Variants in GNAS observed in about 807,000 individuals in gnomAD.
The protein encoded by GNAS is protein ALEX.
GNAS carries 8 observed loss-of-function variants against 54.5 expected under a neutral mutation model. The ratio of observed to expected loss-of-function variants is 0.15; its 90% CI spans 0.09 to 0.26. GNAS has a LOEUF of 0.26. Ranked by LOEUF, GNAS falls within the 10% of genes least tolerant of loss-of-function variation. The probability of loss-of-function intolerance (pLI) is 1.00; values close to 1 mark genes in which losing one functional copy is unlikely to be tolerated. For synonymous variants in GNAS, 204 were observed against 191.4 expected (o/e 1.07, Z -0.54); for missense variants, 170 against 529.8 (o/e 0.32, Z 6.67).
chr20:58,889,324 G>A, upstream of GNAS: 1 of 989,804 alleles, frequency 1.0e-6, no homozygotes, highest in Non-Finnish European at 1.2e-6. Context: ...GGCAGGCGCT[G>A]CCTTGCGTGT....
chr20:58,879,685 A>T (rs6100261), intron 1 of GNAS, among the ~76,000 whole-genome samples: 18,599 of 152,218 alleles, frequency 0.12, 1,287 homozygotes, highest in African/African-American at 0.14. Context: ...TGCTGCAGCC[A>T]TCTGAAATCG....
In GNAS at chr20:58,910,127, T is replaced by C. The variant is rs2146296085; in HGVS notation, c.970+46T>C. The stretch of plus-strand genomic sequence containing the variant: ...TGCTGGCTGTTCATTGCGGTGGTTC[T>C]TTTTCAAACGGTCAGGCTGAAAACC... On this transcript the variant is annotated intron_variant, in intron 11 of 12. Transcript: ENST00000371085. The surrounding 1 kb of genome is among the most constrained non-coding windows in gnomAD (Gnocchi z 5.8). 1.3e-6 allele frequency: 2 copies of C among 1,597,200 alleles called. No homozygotes were observed. The highest frequency in any genetic ancestry group is 1.7e-6 in the Non-Finnish European group (2 of 1,164,918).
Position 58,910,347 on chromosome 20 carries a change from C to T in GNAS, c.984C>T (p.Pro328=), listed in dbSNP as rs369498955. The part of the protein sequence containing the change: ...YTTPEDATPE[P]GEDPRVTRAK... ...CTTTTTATATAGCTACTCCCGAGCC[C>T]GGAGAGGACCCACGCGTGACCCGGG... Residue 328 remains proline (P), a synonymous_variant, in exon 12 of 13, where the codon CCC becomes CCT. Transcript: ENST00000371085. The surrounding 1 kb of genome is among the most constrained non-coding windows in gnomAD (Gnocchi z 5.8). The T allele has an allele frequency of 5.6e-6, 9 of 1,610,804 alleles. No homozygotes were observed. The highest frequency in any genetic ancestry group is 3.3e-5 in the South Asian group (3 of 91,002).
At chr20:58,849,609 T>A (rs944502746) in intron 1 of GNAS, among the ~76,000 whole-genome samples, 2 of 152,208 alleles carry the variant, frequency 1.3e-5, no homozygotes, top group African/African-American at 4.8e-5. Context: ...CACTGCCACC[T>A]TGCCAGCCCC....
upstream of GNAS, chr20:58,840,395 C>T: frequency 6.2e-7 from 1 of 1,613,544 alleles, no homozygotes; most frequent in East Asian, 2.2e-5. The surrounding 1 kb of genome is among the most constrained non-coding windows in gnomAD (Gnocchi z 6.0). Context: ...TGAGCTGTCC[C>T]TCCCCGAGTG....
chr20:58,843,862 T>G (rs1285998659), intron 1 of GNAS, among the ~76,000 whole-genome samples: 1 of 152,208 alleles, frequency 6.6e-6, no homozygotes, highest in Admixed American at 6.5e-5. Flanking sequence ...GTCAACCTGA[T>G]GTAGGTTTAA....
At chr20:58,890,251 AGGCCGCCGCCGCCGC>A (rs1424984340), upstream of GNAS, among the ~76,000 whole-genome samples, 3 of 151,000 alleles carry the variant, frequency 2.0e-5, no homozygotes, top group Middle Eastern at 6.8e-3. Flanking sequence ...CGATGCCCCG[AGGCCGCCGCCGCCGC>A]GGCCGCCGCC....
chr20:58,889,195 G>C, upstream of GNAS: 1 of 1,213,140 alleles, frequency 8.2e-7, no homozygotes, highest in Non-Finnish European at 1.1e-6. Context: ...CGTCGGCACC[G>C]CGGAGCGGGC....
chr20:58,852,727 C>T (rs1369398304), intron 1 of GNAS: 1 of 208,036 alleles, frequency 4.8e-6, no homozygotes, highest in South Asian at 1.9e-4. Flanking sequence ...GACTCCAAAT[C>T]AGTCAGGGAG....
intron 1 of GNAS, among the ~76,000 whole-genome samples, chr20:58,858,467 C>T (rs990349005): frequency 1.3e-5 from 2 of 152,180 alleles, no homozygotes; most frequent in African/African-American, 4.8e-5. Flanking sequence ...CTTTTTCTTA[C>T]TCAACACTAT....
At chr20:58,864,283 C>T (rs576012025) in intron 1 of GNAS, 1 of 152,254 alleles carries the variant, frequency 6.6e-6, no homozygotes, top group South Asian at 2.1e-4. Flanking sequence ...GCAGAAAGCC[C>T]TGTGGGTTTC....
intron 2 of GNAS, chr20:58,898,261 T>G (rs2090262498): frequency 6.6e-6 from 1 of 152,214 alleles, no homozygotes; most frequent in Non-Finnish European, 1.5e-5. Context: ...TTGGTTTTTT[T>G]TTTCTTTTTC....
In GNAS at chr20:58,891,458, C is replaced by CCGG. The variant is rs1172451534; in HGVS notation, c.-261_-259dup. ...AGCTCCTGCTCTGGTCCGCCTCGGC[C>CCGG]CGGCGGCGGCCATCAGCCCCCTCGG... On this transcript the variant is annotated 5_prime_UTR_variant, in exon 1 of 13. Coordinates refer to ENST00000371085, the MANE Select transcript of GNAS (RefSeq NM_000516.7). The CCGG allele has an allele frequency of 1.3e-6, 1 of 777,620 alleles. No homozygotes were observed. Among genetic ancestry groups the CCGG allele is most frequent in the African/African-American group, 1.9e-5 (1 of 52,884 alleles). 48.2% of individuals were successfully genotyped at this position (777,620 alleles called of 1,614,324 possible). A position where few individuals can be genotyped will look rare whatever the true frequency, so the allele number is the denominator to read the frequency against.
intron 1 of GNAS, among the ~76,000 whole-genome samples, chr20:58,865,976 C>T (rs926947842): frequency 6.6e-6 from 1 of 152,210 alleles, no homozygotes; most frequent in Admixed American, 6.5e-5. Context: ...AATTCTCTCT[C>T]TGACTGGTGC....
chr20:58,900,138 C>A, intron 3 of GNAS: 1 of 582,142 alleles, frequency 1.7e-6, no homozygotes, highest in Non-Finnish European at 3.1e-6. Context: ...GAAAAATGAA[C>A]TGAAATCCTT....
chr20:58,902,726 T>G (rs960759517), intron 3 of GNAS, among the ~76,000 whole-genome samples: 3 of 39,974 alleles, frequency 7.5e-5, no homozygotes, highest in African/African-American at 3.3e-4. Context: ...CACATACGAC[T>G]TTTTTTTTTT....
intron 1 of GNAS, among the ~76,000 whole-genome samples, chr20:58,894,364 A>T (rs2089834477): frequency 6.6e-6 from 1 of 152,242 alleles, no homozygotes; most frequent in Admixed American, 6.5e-5. Context: ...TAGGCTCATT[A>T]AGATAGTGTT....
At chr20:58,840,123 G>C, upstream of GNAS, 2 of 1,611,362 alleles carry the variant, frequency 1.2e-6, no homozygotes, top group Non-Finnish European at 1.7e-6. The surrounding 1 kb of genome is among the most constrained non-coding windows in gnomAD (Gnocchi z 6.0). Context: ...CGGAGGTCCC[G>C]GGCTCAGCAG....
rs1286840810 is a variant in GNAS at position 58,863,492 on chromosome 20, G to A, written c.43+22606G>A. On this transcript the variant is annotated intron_variant, in intron 1 of 12. Transcript: ENST00000306090. The surrounding 1 kb of genome is among the most constrained non-coding windows in gnomAD (Gnocchi z 4.1). ...TGTTATCCAATCTCAAATTTATTAT[G>A]AGTCAGTCAATGTTTCCGACATTGT... is the stretch of plus-strand genomic sequence containing the variant. 1 of 152,114 alleles carries A rather than the reference G, an allele frequency of 6.6e-6. No homozygotes were observed. The highest frequency in any genetic ancestry group is 1.5e-5 in the Non-Finnish European group (1 of 68,020). 9.4% of individuals were successfully genotyped at this position (152,114 alleles called of 1,614,324 possible).
Sources: gnomAD v4.1 joint callset for allele counts (sites outside exome capture counted in the v4.1 genomes callset) on GRCh38, gnomAD v4.1.1 for gene constraint, Gnocchi (gnomAD v3.1) non-coding constraint, MANE v1.5 for transcripts, NCBI Gene and HGNC (gene_info 2026-07-23, HGNC 2026-07-21) for gene names.